Variants in ARHGAP21 observed in about 807,000 individuals in gnomAD.
ARHGAP21 encodes rho GTPase-activating protein 21.
Under a neutral mutation model 164.6 loss-of-function variants are expected in ARHGAP21, and 38 were observed. The observed-to-expected ratio is 0.23, with a 90% CI of 0.18 to 0.30. ARHGAP21 has a LOEUF of 0.30. Among genes scored for constraint, ARHGAP21 ranks in the 10% least tolerant of loss-of-function variants. The probability of loss-of-function intolerance (pLI) is 1.00; values close to 1 mark genes in which losing one functional copy is unlikely to be tolerated. For missense variants in ARHGAP21, 1,822 were observed against 2,370.7 expected (o/e 0.77, Z 4.81); for synonymous variants, 766 against 857.9 (o/e 0.89, Z 1.87).
At chr10:24,633,153 A>C (rs577215904) in intron 6 of ARHGAP21, among the ~76,000 whole-genome samples, 9 of 152,348 alleles carry the variant, frequency 5.9e-5, no homozygotes, top group African/African-American at 2.2e-4. Context: ...AGTAAATCTA[A>C]AGTGTGTGCC....
chr10:24,600,114 C>G (rs1320091212), intron 14 of ARHGAP21, among the ~76,000 whole-genome samples: 1 of 111,850 alleles, frequency 8.9e-6, no homozygotes, highest in Non-Finnish European at 1.7e-5. Flanking sequence ...GCCTGGGCAA[C>G]AGAGCAGGAC....
At chr10:24,597,658 G>A in intron 15 of ARHGAP21, 75 bp from the exon 16 acceptor site, 1 of 1,559,378 alleles carries the variant, frequency 6.4e-7, no homozygotes, top group Middle Eastern at 1.7e-4. Flanking sequence ...CCCGTGGTGA[G>A]CCATGGTCTG....
chr10:24,678,595 G>C (rs955591308), intron 2 of ARHGAP21, among the ~76,000 whole-genome samples: 1 of 152,136 alleles, frequency 6.6e-6, no homozygotes, highest in Non-Finnish European at 1.5e-5. Flanking sequence ...AACCTCCAAT[G>C]ATCAAGCAAT....
At chr10:24,596,490 C>T (rs77948688) in intron 17 of ARHGAP21, 51,680 of 554,350 alleles carry the variant, frequency 0.093, 3,212 homozygotes, top group Non-Finnish European at 0.12. Context: ...CAGAAACACA[C>T]GATTTGAAGA....
At chr10:24,679,648 G>C (rs1329630501) in intron 2 of ARHGAP21, among the ~76,000 whole-genome samples, 1 of 152,094 alleles carries the variant, frequency 6.6e-6, no homozygotes, top group African/African-American at 2.4e-5. Context: ...GTTTATTTTA[G>C]CCATTGTGAC....
intron 2 of ARHGAP21, among the ~76,000 whole-genome samples, chr10:24,686,755 T>C (rs371405370): frequency 1.5e-4 from 23 of 152,228 alleles, no homozygotes; most frequent in Non-Finnish European, 2.2e-4. Flanking sequence ...AGTTGCAATA[T>C]TGGGCGGCAC....
At chr10:24,590,585 A>C in intron 24 of ARHGAP21, 1 of 1,439,692 alleles carries the variant, frequency 6.9e-7, no homozygotes, top group South Asian at 1.5e-5. Flanking sequence ...GTAAAACAAC[A>C]TGCTAGATTA....
intron 2 of ARHGAP21, among the ~76,000 whole-genome samples, chr10:24,671,021 G>A (rs1840650325): frequency 6.6e-6 from 1 of 151,738 alleles, no homozygotes; most frequent in African/African-American, 2.4e-5. Context: ...CCTATTATTA[G>A]TTCACTATTT....
intron 7 of ARHGAP21, chr10:24,628,952 C>CTATATATATATATATATATATATATATA (rs71397962): frequency 7.3e-5 from 1 of 13,764 alleles, no homozygotes; most frequent in Non-Finnish European, 1.1e-4. Context: ...CACACACACA[C>CTATATATATATATATATATATATATATA]TATATATATA....
intron 6 of ARHGAP21, among the ~76,000 whole-genome samples, chr10:24,630,667 A>G (rs940854880): frequency 6.6e-6 from 1 of 151,958 alleles, no homozygotes; most frequent in Non-Finnish European, 1.5e-5. Flanking sequence ...TAATTTTTCT[A>G]TTTTTAGTAG....
intron 11 of ARHGAP21, among the ~76,000 whole-genome samples, chr10:24,604,620 C>A (rs767447848): frequency 1.3e-5 from 2 of 152,056 alleles, no homozygotes; most frequent in Admixed American, 6.5e-5. Flanking sequence ...AAAGAAAAAG[C>A]TACTCAGGCT....
intron 7 of ARHGAP21, among the ~76,000 whole-genome samples, chr10:24,623,540 A>C (rs1275415751): frequency 6.6e-6 from 1 of 152,244 alleles, no homozygotes; most frequent in Non-Finnish European, 1.5e-5. Context: ...GGGTGTGTGC[A>C]TTGACACACC....
chr10:24,675,071 C>G (rs1313446342), intron 2 of ARHGAP21, among the ~76,000 whole-genome samples: 1 of 152,162 alleles, frequency 6.6e-6, no homozygotes, highest in Non-Finnish European at 1.5e-5. Context: ...CACCGCCATT[C>G]TACTCATAGA....
chr10:24,703,725 C>T (rs1843935741), intron 2 of ARHGAP21, among the ~76,000 whole-genome samples: 1 of 152,168 alleles, frequency 6.6e-6, no homozygotes, highest in Non-Finnish European at 1.5e-5. Flanking sequence ...TCCTTCCCAT[C>T]CTGCCTTTTC....
chr10:24,614,442 G>A (rs2077390445), intron 9 of ARHGAP21, among the ~76,000 whole-genome samples: 1 of 152,096 alleles, frequency 6.6e-6, no homozygotes, highest in South Asian at 2.1e-4. Flanking sequence ...AACATTAAAG[G>A]AACTAGGTGA....
At chr10:24,641,833 A>G (rs1204650499) in intron 4 of ARHGAP21, among the ~76,000 whole-genome samples, 1 of 151,924 alleles carries the variant, frequency 6.6e-6, no homozygotes, top group Non-Finnish European at 1.5e-5. Context: ...GTCTCTACTA[A>G]AAACACACAA....
chr10:24,635,627 A>C (rs898783607), intron 4 of ARHGAP21, among the ~76,000 whole-genome samples: 5 of 151,996 alleles, frequency 3.3e-5, no homozygotes, highest in Admixed American at 3.3e-4. Flanking sequence ...GCTCACTGCA[A>C]CCTCCACATC....
At chr10:24,597,187 ATCC>A (rs2076622798) in intron 16 of ARHGAP21, among the ~76,000 whole-genome samples, 2 of 151,900 alleles carry the variant, frequency 1.3e-5, no homozygotes, top group Non-Finnish European at 1.5e-5. Flanking sequence ...TAGGACCTGA[ATCC>A]TCGGAGTCAT....
intron 2 of ARHGAP21, among the ~76,000 whole-genome samples, chr10:24,720,863 T>C (rs1845854928): frequency 6.6e-6 from 1 of 151,996 alleles, no homozygotes; most frequent in African/African-American, 2.4e-5. Flanking sequence ...AACATAGGCA[T>C]CTCAAAAGTA....
Sources: gnomAD v4.1 joint callset for allele counts (sites outside exome capture counted in the v4.1 genomes callset) on GRCh38, gnomAD v4.1.1 for gene constraint, MANE v1.5 for transcripts, NCBI Gene and HGNC (gene_info 2026-07-23, HGNC 2026-07-21) for gene names.